Variants in ESRP1 observed in about 807,000 individuals in gnomAD.
The protein encoded by ESRP1 is epithelial splicing regulatory protein 1, also known as RNA-binding motif protein 35A.
ESRP1 carries 33 observed loss-of-function variants against 81.7 expected under a neutral mutation model. The observed-to-expected ratio is 0.40, with a 90% CI of 0.31 to 0.54. ESRP1 has a LOEUF of 0.54. Ranked by LOEUF, ESRP1 falls within the 20% of genes least tolerant of loss-of-function variation. The probability of loss-of-function intolerance (pLI) is 0.41; values close to 1 mark genes in which losing one functional copy is unlikely to be tolerated. For missense variants in ESRP1, 672 were observed against 833.1 expected (o/e 0.81, Z 2.38); for synonymous variants, 320 against 303.3 (o/e 1.06, Z -0.57).
At chr8:94,655,720 G>T (rs1275308938) in intron 4 of ESRP1, among the ~76,000 whole-genome samples, 1 of 151,788 alleles carries the variant, frequency 6.6e-6, no homozygotes, top group African/African-American at 2.4e-5. Context: ...GTGAAACCCT[G>T]TCTCTACAAA....
rs1253550186 is a variant in ESRP1, at chr8:94,665,814, A to ATTC, written c.931+618_931+619insTTC. Among the ~76,000 whole-genome samples the ATTC allele has an allele frequency of 8.5e-3, 1,288 of 152,294 alleles. 23 individuals are homozygous for ATTC. Among genetic ancestry groups the ATTC allele is most frequent in the African/African-American group, 0.029 (1,214 of 41,552 alleles). On this transcript the variant is annotated intron_variant, in intron 9 of 15. Transcript: ENST00000433389. Reference sequence around the variant, plus strand: ...CGGCCAGGAAATGATATTCTTGAAAAGAGTCAGAAAACTGCTTTCAAACGG... The same window carrying ATTC: ...CGGCCAGGAAATGATATTCTTGAAAATTCGAGTCAGAAAACTGCTTTCAAACGG...
At chr8:94,679,062 A>T (rs1014059604) in intron 13 of ESRP1, among the ~76,000 whole-genome samples, 1 of 152,142 alleles carries the variant, frequency 6.6e-6, no homozygotes, top group Non-Finnish European at 1.5e-5. Flanking sequence ...AGTGTCTTGG[A>T]CCTAACCTGT....
intron 10 of ESRP1, among the ~76,000 whole-genome samples, chr8:94,669,135 T>C (rs1819177242): frequency 6.6e-6 from 1 of 152,188 alleles, no homozygotes; most frequent in Admixed American, 6.5e-5. Context: ...CCTCAAAATG[T>C]ACTAAGATCT....
intron 10 of ESRP1, 58 bp downstream of exon 10, chr8:94,668,308 G>GA: frequency 6.9e-7 from 1 of 1,439,776 alleles, no homozygotes; most frequent in Non-Finnish European, 9.3e-7. Flanking sequence ...CTTTATCTCT[G>GA]AAAATAGTCC....
intron 13 of ESRP1, among the ~76,000 whole-genome samples, chr8:94,689,249 CAA>C (rs56220336): frequency 2.0e-5 from 2 of 98,844 alleles, no homozygotes; most frequent in African/African-American, 4.4e-5. Context: ...ACTCAGTCTC[CAA>C]AAAAAAAAAA....
At chr8:94,653,491 C>A (rs1818251914) in intron 4 of ESRP1, among the ~76,000 whole-genome samples, 1 of 152,178 alleles carries the variant, frequency 6.6e-6, no homozygotes, top group South Asian at 2.1e-4. Flanking sequence ...ATCCTGTGGA[C>A]CCCACCAGGT....
chr8:94,655,172 C>T (rs757865767), intron 4 of ESRP1, among the ~76,000 whole-genome samples: 4 of 151,578 alleles, frequency 2.6e-5, no homozygotes, highest in Non-Finnish European at 5.9e-5. Flanking sequence ...TCATTGTGAC[C>T]TCTGCCTCCT....
chr8:94,667,435 T>TAAAA (rs3045883), intron 9 of ESRP1, among the ~76,000 whole-genome samples: 14 of 147,902 alleles, frequency 9.5e-5, no homozygotes, highest in East Asian at 2.0e-4. Context: ...CTTTCTTAAT[T>TAAAA]AAAAAAAAAA....
In ESRP1 at chr8:94,662,388, A is replaced by C; in HGVS notation, c.589+18A>C. 6.5e-7 allele frequency: 1 copy of C among 1,539,600 alleles called. No individual in the cohort carries two copies. The highest frequency in any genetic ancestry group is 8.8e-7 in the Non-Finnish European group (1 of 1,131,216). On this transcript the variant is annotated intron_variant, in intron 5 of 15. Coordinates refer to ENST00000433389, the MANE Select transcript of ESRP1 (RefSeq NM_017697.4). ...GCCTTATAGTAAGTATTGCTTTTAT[A>C]GTAGTGCAGTCCCAGAATTCATACT...
intron 3 of ESRP1, among the ~76,000 whole-genome samples, chr8:94,643,650 A>C (rs1390675897): frequency 6.6e-6 from 1 of 152,236 alleles, no homozygotes; most frequent in African/African-American, 2.4e-5. Context: ...TACTCTTAAA[A>C]ATTATTAAAA....
rs1476564821 is a variant in ESRP1 at position 94,669,397 on chromosome 8, T to G, written c.1233+1147T>G. Among the ~76,000 whole-genome samples, 21 of 152,316 alleles carry G rather than the reference T, an allele frequency of 1.4e-4. No individual in the cohort carries two copies. In the South Asian group the frequency reaches 1.7e-3, roughly 12 times the overall value. ...ATCAGAGTTTTGTGTAGCTTCTGCA[T>G]CCCATTATATGTTGTGATTTTAAAT... On this transcript the variant is annotated intron_variant, in intron 10 of 15. Coordinates refer to ENST00000433389, the MANE Select transcript of ESRP1 (RefSeq NM_017697.4).
At position 94,646,154 on chromosome 8, in the gene ESRP1, T is replaced by G. The variant is rs758275225; in HGVS notation, c.376-14T>G. On this transcript the variant is annotated splice_polypyrimidine_tract_variant and intron_variant, in intron 3 of 15. Transcript: ENST00000433389. ...ATTCACCTAGTTAACATTATCTACC[T>G]TGTCCTTCCTCAGAATGTACTATTA... 2.0e-6 allele frequency: 3 copies of G among 1,494,432 alleles called. No homozygotes were observed. The South Asian group carries it at 3.5e-5, about 17-fold the overall frequency. 92.6% of individuals were successfully genotyped at this position (1,494,432 alleles called of 1,614,324 possible). A position where few individuals can be genotyped will look rare whatever the true frequency, so the allele number is the denominator to read the frequency against.
intron 6 of ESRP1, among the ~76,000 whole-genome samples, chr8:94,664,120 C>CTTTTTTTTT (rs755384250): frequency 3.0e-5 from 3 of 98,534 alleles, no homozygotes; most frequent in African/African-American, 1.1e-4. Flanking sequence ...ATTTCCTCAG[C>CTTTTTTTTT]TTTTTTTTTT....
At chr8:94,645,255 T>C (rs1333019396) in intron 3 of ESRP1, among the ~76,000 whole-genome samples, 2 of 152,134 alleles carry the variant, frequency 1.3e-5, no homozygotes, top group African/African-American at 4.8e-5. Context: ...AGAGGAGATA[T>C]TTTGCATGAA....
intron 12 of ESRP1, among the ~76,000 whole-genome samples, chr8:94,677,776 C>T (rs1276797748): frequency 4.6e-5 from 7 of 152,064 alleles, no homozygotes; most frequent in East Asian, 3.8e-4. Flanking sequence ...GCTGTACTGA[C>T]GGGTAGGTAG....
At chr8:94,696,436 A>T (rs1285013797) in intron 14 of ESRP1, among the ~76,000 whole-genome samples, 2 of 152,216 alleles carry the variant, frequency 1.3e-5, no homozygotes, top group Non-Finnish European at 2.9e-5. Context: ...ATCTAACACT[A>T]TCTAAAATTC....
At chr8:94,659,588 A>G (rs1412100671) in intron 4 of ESRP1, among the ~76,000 whole-genome samples, 1 of 152,246 alleles carries the variant, frequency 6.6e-6, no homozygotes, top group Non-Finnish European at 1.5e-5. Flanking sequence ...ATCAAAAGCT[A>G]GACATGATTA....
chr8:94,662,187 C>T, intron 4 of ESRP1, 85 bp from the exon 5 acceptor site: 1 of 794,360 alleles, frequency 1.3e-6, no homozygotes. Context: ...CATCTTCTTC[C>T]TCTTGGCTTG....
rs750679297 is a variant in ESRP1 at position 94,678,343 on chromosome 8, T to C, written c.1792T>C (p.Phe598Leu). Residue 598 changes from phenylalanine (F) to leucine (L), a missense_variant, in exon 13 of 16, where the codon TTC becomes CTC. Physicochemically the swap from Phe to Leu is conservative, Grantham distance 22 (BLOSUM62 0). Transcript: ENST00000433389. ...GTACTACCCAGCAGGCACTCAGCTC[T>C]TCATGAATTACACAGCGTACTATCC... ...TAYYPAGTQL[F>L]MNYTAYYPSP... 1 of 1,613,972 alleles carries C rather than the reference T, an allele frequency of 6.2e-7. No individual in the cohort carries two copies. The highest frequency in any genetic ancestry group is 1.7e-5 in the Admixed American group (1 of 60,026).
Sources: allele counts gnomAD v4.1 joint callset (sites outside exome capture counted in the v4.1 genomes callset), GRCh38; gene constraint gnomAD v4.1.1; transcripts MANE v1.5; gene names NCBI Gene and HGNC (gene_info 2026-07-23, HGNC 2026-07-21).